TMEM131L: variants seen among roughly 807,000 people sequenced by gnomAD.
TMEM131L encodes the protein transmembrane protein 131-like.
TMEM131L carries 54 observed loss-of-function variants against 192.2 expected under a neutral mutation model. That is an observed-to-expected ratio of 0.28 (90% CI 0.23 to 0.35). The LOEUF is 0.35. Among genes scored for constraint, TMEM131L ranks in the 10% least tolerant of loss-of-function variants. The pLI, the probability that TMEM131L is intolerant of heterozygous loss-of-function variation, is 1.00. For synonymous variants in TMEM131L, 701 were observed against 704.9 expected, an observed-to-expected ratio of 0.99 and a Z score of 0.09; for missense variants, 1,888 against 1,972.9, an observed-to-expected ratio of 0.96 and a Z score of 0.82.
At chr4:153,541,431 G>A (rs1236223052) in intron 3 of TMEM131L, among the ~76,000 whole-genome samples, 2 of 152,236 alleles carry the variant, frequency 1.3e-5, no homozygotes, top group Non-Finnish European at 2.9e-5. Context: ...AGACACAAGA[G>A]TCAGGGTATC....
At chr4:153,597,619 C>T (rs1731533578) in intron 20 of TMEM131L, among the ~76,000 whole-genome samples, 1 of 152,142 alleles carries the variant, frequency 6.6e-6, no homozygotes, top group Non-Finnish European at 1.5e-5. Context: ...GTGGCTTTCA[C>T]TCCAATATGC....
intron 7 of TMEM131L, among the ~76,000 whole-genome samples, chr4:153,575,433 T>G (rs1201262848): frequency 6.6e-6 from 1 of 152,204 alleles, no homozygotes; most frequent in Non-Finnish European, 1.5e-5. Context: ...TGTTGATGGA[T>G]TTTTAGGCCT....
In TMEM131L at chr4:153,622,955, G is replaced by C. The variant is rs780039842; in HGVS notation, c.3917G>C (p.Ser1306Thr). Residue 1306 changes from serine to threonine, a missense_variant, in exon 29 of 35, where the codon AGC (serine) becomes ACC (threonine). Coordinates refer to ENST00000409959, the MANE Select transcript of TMEM131L (RefSeq NM_001131007.2). ...KCVDKFCSDS[S>T]SDCGSSSGSV... ...GTGGACAAGTTCTGCTCCGATTCCA[G>C]CTCTGACTGTGGGAGCTCCTCTGGC... 3 of 1,614,140 alleles carry C rather than the reference G, an allele frequency of 1.9e-6. No individual in the cohort carries two copies. Among genetic ancestry groups the C allele is most frequent in the Admixed American group, 1.7e-5 (1 of 60,012 alleles).
intron 3 of TMEM131L, among the ~76,000 whole-genome samples, chr4:153,545,290 C>G (rs1157989186): frequency 7.6e-6 from 1 of 132,326 alleles, no homozygotes; most frequent in Non-Finnish European, 1.6e-5. Flanking sequence ...CTTTTTCAAA[C>G]TTTTTTTTTT....
intron 16 of TMEM131L, among the ~76,000 whole-genome samples, chr4:153,589,877 G>A (rs771373622): frequency 9.9e-5 from 15 of 151,974 alleles, no homozygotes; most frequent in East Asian, 1.9e-4. Context: ...ACACATACAC[G>A]CACAGACTTT....
chr4:153,631,363 C>T (rs551346169), intron 31 of TMEM131L, among the ~76,000 whole-genome samples: 4 of 152,324 alleles, frequency 2.6e-5, no homozygotes, highest in South Asian at 2.1e-4. Flanking sequence ...GTGGGGCAAG[C>T]CCACTGCATG....
At position 153,621,974 on chromosome 4, in the gene TMEM131L, A is replaced by G. The variant is rs1359963354; in HGVS notation, c.3859+125A>G. 1.6e-5 allele frequency: 15 copies of G among 919,294 alleles called. No homozygotes were observed. In the East Asian group the frequency reaches 4.0e-4, roughly 24 times the overall value. 56.9% of individuals were successfully genotyped at this position (919,294 alleles called of 1,614,324 possible). A position where few individuals can be genotyped will look rare whatever the true frequency, so the allele number is the denominator to read the frequency against. On this transcript the variant is annotated intron_variant, in intron 28 of 34. Transcript: ENST00000409959. ...TCTACAGGCAACTTAGCTAATAACT[A>G]AAGCCCCAGTGGAAAGCTTTCAGGG...
chr4:153,477,447 G>A (rs1172662309), intron 3 of TMEM131L, among the ~76,000 whole-genome samples: 1 of 152,102 alleles, frequency 6.6e-6, no homozygotes, highest in Non-Finnish European at 1.5e-5. Flanking sequence ...TTATTATTCA[G>A]CACTAGTTTC....
At chr4:153,558,200 A>G (rs1175698413) in intron 6 of TMEM131L, 58 bp from the exon 7 acceptor site, 2 of 895,158 alleles carry the variant, frequency 2.2e-6, no homozygotes, top group African/African-American at 3.3e-5. Flanking sequence ...CTTTAGCATT[A>G]TGGCAAATGT....
At chr4:153,522,099 G>A (rs1042572697) in intron 3 of TMEM131L, among the ~76,000 whole-genome samples, 3 of 152,082 alleles carry the variant, frequency 2.0e-5, no homozygotes, top group African/African-American at 7.2e-5. Flanking sequence ...GGTGTGAGAG[G>A]AACTGTTGAA....
At chr4:153,485,780 CTTAATCCAT>C (rs907452269) in intron 3 of TMEM131L, among the ~76,000 whole-genome samples, 1 of 152,212 alleles carries the variant, frequency 6.6e-6, no homozygotes, top group Non-Finnish European at 1.5e-5. Context: ...TGTTAATCCA[CTTAATCCAT>C]AAAAATTGGA....
chr4:153,636,392 G>A lies in TMEM131L; in HGVS notation c.4649G>A (p.Cys1550Tyr), dbSNP rs1734574846. The A allele has an allele frequency of 6.2e-7, 1 of 1,613,998 alleles. No individual in the cohort carries two copies. Among genetic ancestry groups the A allele is most frequent in the Non-Finnish European group, 8.5e-7 (1 of 1,180,028 alleles). The change falls in exon 35 of 35, where the codon TGC (cysteine) becomes TAC (tyrosine). Residue 1550 changes from cysteine (C) to tyrosine (Y), a missense_variant. Coordinates refer to ENST00000409959, the MANE Select transcript of TMEM131L (RefSeq NM_001131007.2). ...CAAAGCGATGTGTATGAAAATTGCTGCCCCATCAACCCCACCACGGAACAT... is the reference window on the plus strand; with the variant it reads ...CAAAGCGATGTGTATGAAAATTGCTACCCCATCAACCCCACCACGGAACAT... Reference protein sequence around the residue: ...APQSDVYENCCPINPTTEHST... With the variant: ...APQSDVYENCYPINPTTEHST...
intron 4 of TMEM131L, among the ~76,000 whole-genome samples, chr4:153,553,014 A>G (rs1172888259): frequency 2.0e-5 from 3 of 151,748 alleles, no homozygotes; most frequent in Non-Finnish European, 4.4e-5. Context: ...AGCCAACTGT[A>G]TATGATACAC....
chr4:153,486,215 C>T (rs1374601995), intron 3 of TMEM131L, among the ~76,000 whole-genome samples: 16 of 152,164 alleles, frequency 1.1e-4, no homozygotes, highest in Admixed American at 1.0e-3. Context: ...TAATATTTTA[C>T]TGTATGCTAG....
chr4:153,470,973 G>A (rs985471146), intron 2 of TMEM131L, among the ~76,000 whole-genome samples: 2 of 149,120 alleles, frequency 1.3e-5, no homozygotes, highest in African/African-American at 2.5e-5. Context: ...TAGTGCCTTC[G>A]GTTTTTTTTG....
chr4:153,577,962 A>G (rs1263287773), intron 7 of TMEM131L, among the ~76,000 whole-genome samples: 2 of 152,170 alleles, frequency 1.3e-5, no homozygotes, highest in African/African-American at 4.8e-5. Flanking sequence ...CAGCATGCCA[A>G]CAAGCTCCCC....
At chr4:153,621,366 C>T (rs1733397835) in intron 27 of TMEM131L, among the ~76,000 whole-genome samples, 1 of 152,164 alleles carries the variant, frequency 6.6e-6, no homozygotes, top group Admixed American at 6.5e-5. Flanking sequence ...GTTCTTACAG[C>T]TGCAGGAAGT....
chr4:153,617,862 G>GA (rs1733100873), intron 26 of TMEM131L, among the ~76,000 whole-genome samples: 2 of 121,826 alleles, frequency 1.6e-5, no homozygotes, highest in African/African-American at 2.6e-5. Context: ...AGCTCTTCGT[G>GA]GTTTTTTTTT....
intron 3 of TMEM131L, among the ~76,000 whole-genome samples, chr4:153,547,382 C>T (rs930617586): frequency 6.6e-6 from 1 of 152,162 alleles, no homozygotes; most frequent in African/African-American, 2.4e-5. Context: ...ATTACCATCC[C>T]GTTTGGGGCT....
Sources: allele counts gnomAD v4.1 joint callset (sites outside exome capture counted in the v4.1 genomes callset), GRCh38; gene constraint gnomAD v4.1.1; transcripts MANE v1.5; gene names NCBI Gene and HGNC (gene_info 2026-07-23, HGNC 2026-07-21).